MELTF: variants seen among roughly 807,000 people sequenced by gnomAD.
MELTF encodes the protein antigen p97 (melanoma associated) identified by monoclonal antibodies 133.2 and 96.5.
Under a neutral mutation model 83.7 loss-of-function variants are expected in MELTF, and 67 were observed. That is an observed-to-expected ratio of 0.80 (90% CI 0.66 to 0.98). The LOEUF (loss-of-function observed/expected upper bound fraction) is 0.98, where lower values mean the gene tolerates loss of function less well. Among genes scored for constraint, MELTF ranks in the 50% least tolerant of loss-of-function variants. MELTF has a pLI of 0.00. For missense variants in MELTF, 1,002 were observed against 1,035.6 expected, an observed-to-expected ratio of 0.97 and a Z score of 0.44; for synonymous variants, 462 against 447.6, an observed-to-expected ratio of 1.03 and a Z score of -0.41.
In MELTF at chr3:197,014,383, G is replaced by GTTTTTTTT. The variant is rs71623319; in HGVS notation, c.1233+974_1233+981dup. Among the ~76,000 whole-genome samples the GTTTTTTTT allele has an allele frequency of 2.2e-3, 224 of 101,046 alleles. 13 individuals are homozygous for GTTTTTTTT. The highest frequency in any genetic ancestry group is 8.6e-3 in the African/African-American group (208 of 24,116). The allele number at this position is 101,046 out of a possible 152,430, so 66.3% of individuals were successfully genotyped here. ...GTAGGGGAAGGGAGGAATAGGGAGA[G>GTTTTTTTT]TTTTTTTTTTTTTTTTTTTTTTTGA... On this transcript the variant is annotated intron_variant, in intron 9 of 15. Coordinates refer to ENST00000296350, the MANE Select transcript of MELTF (RefSeq NM_005929.6).
chr3:197,016,790 A>C (rs1333200384), intron 7 of MELTF, among the ~76,000 whole-genome samples: 1 of 149,096 alleles, frequency 6.7e-6, no homozygotes. Context: ...GTGCTTTGAA[A>C]GGCGCTGGTT....
intron 6 of MELTF, chr3:197,019,648 C>T (rs957495053): frequency 6.2e-7 from 1 of 1,612,394 alleles, no homozygotes; most frequent in Non-Finnish European, 8.5e-7. Context: ...TCCAAATTCT[C>T]CTTTGTCAGA....
At chr3:197,027,689 G>T in intron 2 of MELTF, 67 bp downstream of exon 2, 1 of 1,525,832 alleles carries the variant, frequency 6.6e-7, no homozygotes, top group East Asian at 2.4e-5. Flanking sequence ...TGGTGAATGG[G>T]GCTGTTGTGT....
Position 197,024,728 on chromosome 3 carries a change from T to A in MELTF, c.305-243A>T, listed in dbSNP as rs999681755. Among the ~76,000 whole-genome samples, 1 of 152,242 alleles carries A rather than the reference T, an allele frequency of 6.6e-6. No homozygotes were observed. The highest frequency in any genetic ancestry group is 1.5e-5 in the Non-Finnish European group (1 of 68,038). ...CTGAGATATTGATGTATTCATTGAT[T>A]TCCCCCTCTTCCTTCCCCAGCAGCT... On this transcript the variant is annotated intron_variant, in intron 3 of 15. Transcript: ENST00000296350. This position sits in a 1 kb window ranked among gnomAD's most constrained non-coding sequence, Gnocchi z 5.3.
At position 197,015,518 on chromosome 3, in the gene MELTF, TG is replaced by T; in HGVS notation, c.1082-3del. The T allele has an allele frequency of 6.2e-7, 1 of 1,608,344 alleles. No individual in the cohort carries two copies. Among genetic ancestry groups the T allele is most frequent in the Non-Finnish European group, 8.5e-7 (1 of 1,176,896 alleles). ...ACCAGCGCAGGTAGGGGGGCAGCCCTGGGGTGGGGCAAGCAAGCGGTCACTG... is the reference window on the plus strand; with the variant it reads ...ACCAGCGCAGGTAGGGGGGCAGCCCTGGGTGGGGCAAGCAAGCGGTCACTG... On this transcript the variant is annotated splice_region_variant and splice_polypyrimidine_tract_variant and intron_variant, in intron 8 of 15. Transcript: ENST00000296350.
intron 4 of MELTF, among the ~76,000 whole-genome samples, chr3:197,023,660 G>A (rs1230190289): frequency 6.6e-6 from 1 of 152,096 alleles, no homozygotes; most frequent in Non-Finnish European, 1.5e-5. Flanking sequence ...GCTGGCACCT[G>A]AGCCAGTCGG....
At chr3:197,023,343 G>A (rs912982846) in intron 4 of MELTF, among the ~76,000 whole-genome samples, 13 of 152,208 alleles carry the variant, frequency 8.5e-5, no homozygotes, top group African/African-American at 2.7e-4. Context: ...AAAATGGTTC[G>A]GGGGAACTAA....
Position 197,016,320 on chromosome 3 carries a change from G to A in MELTF, c.950C>T (p.Ala317Val). Reference sequence around the variant, plus strand: ...GAAGAGTAGATCCTTCTGGCCATAGGCCTCAGAGCTGAACATCTGGAAGCT... The same window carrying A: ...GAAGAGTAGATCCTTCTGGCCATAGACCTCAGAGCTGAACATCTGGAAGCT... Reference protein sequence around the residue: ...GSSFQMFSSEAYGQKDLLFKD... With the variant: ...GSSFQMFSSEVYGQKDLLFKD... Residue 317 changes from alanine to valine, a missense_variant, in exon 8 of 16, where the codon GCC (alanine) becomes GTC (valine). Ala to Val is a moderately conservative substitution (Grantham distance 64, BLOSUM62 0). Transcript: ENST00000296350. The A allele has an allele frequency of 6.2e-7, 1 of 1,609,994 alleles. No homozygotes were observed. Among genetic ancestry groups the A allele is most frequent in the Non-Finnish European group, 8.5e-7 (1 of 1,178,064 alleles).
Position 197,016,191 on chromosome 3 carries a change from T to C in MELTF, c.1079A>G (p.Asn360Ser), listed in dbSNP as rs1188208816. The change falls in exon 8 of 16, where the codon AAC (asparagine) becomes AGC (serine). Residue 360 changes from asparagine to serine, a missense_variant and splice_region_variant. Physicochemically the swap from Asn to Ser is conservative, Grantham distance 46. Transcript: ENST00000296350. Reference protein sequence around the residue: ...HAMKGLLCDPNRLPPYLRWCV... With the variant: ...HAMKGLLCDPSRLPPYLRWCV... ...GCAGTGGGGACAGGTGGACTTACGG[T>C]TGGGGTCACAGAGCAGACCCTTCAT... The C allele has an allele frequency of 6.5e-7, 1 of 1,531,590 alleles. No homozygotes were observed. Among genetic ancestry groups the C allele is most frequent in the Non-Finnish European group, 8.8e-7 (1 of 1,136,376 alleles). The allele number at this position is 1,531,590 out of a possible 1,614,324, so 94.9% of individuals were successfully genotyped here.
intron 3 of MELTF, 157 bp downstream of exon 3, chr3:197,026,503 G>A (rs1242710002): frequency 4.7e-6 from 3 of 637,980 alleles, no homozygotes; most frequent in Non-Finnish European, 8.3e-6. Context: ...TGTCCCTGGG[G>A]AATTTGAGAG....
chr3:197,019,574 A>T lies in MELTF; in HGVS notation c.712+1830T>A, dbSNP rs1358267562. 3 of 1,581,014 alleles carry T rather than the reference A, an allele frequency of 1.9e-6. No individual in the cohort carries two copies. In the African/African-American group the frequency reaches 4.0e-5, roughly 21 times the overall value. ...GCAACATGGTGAGACCCCCATCTCA[A>T]AAAAAACCCCAAGTTTGAAAGAGCT... On this transcript the variant is annotated intron_variant, in intron 6 of 15. Coordinates refer to ENST00000296350, the MANE Select transcript of MELTF (RefSeq NM_005929.6).
At chr3:197,004,282 G>A (rs1410008694) in intron 14 of MELTF, 183 bp from the exon 15 acceptor site, 7 of 646,116 alleles carry the variant, frequency 1.1e-5, no homozygotes. Context: ...ACCCAAGCGG[G>A]TGTGGGGACA....
chr3:197,026,329 C>T lies in MELTF; in HGVS notation c.304+331G>A, dbSNP rs536564485. 9 of 248,846 alleles carry T rather than the reference C, an allele frequency of 3.6e-5. No homozygotes were observed. The East Asian group carries it at 5.7e-4, about 16-fold the overall frequency. 15.4% of individuals were successfully genotyped at this position (248,846 alleles called of 1,614,324 possible). ...AGTGCAGGTGGCTCGGCATTAAGGA[C>T]GCCTTGCTCACCCAAGGCAGTTACG... On this transcript the variant is annotated intron_variant, in intron 3 of 15. Coordinates refer to ENST00000296350, the MANE Select transcript of MELTF (RefSeq NM_005929.6).
At position 197,010,731 on chromosome 3, in the gene MELTF, C is replaced by T. The variant is rs147590453; in HGVS notation, c.1297G>A (p.Gly433Ser). 145 of 1,613,650 alleles carry T rather than the reference C, an allele frequency of 9.0e-5. No individual in the cohort carries two copies. In the African/African-American group the frequency reaches 1.3e-3, roughly 15 times the overall value. ...EDIYTAGKTY[G>S]LVPAAGEHYA... is the part of the protein sequence containing the mutation. Reference sequence around the variant, plus strand: ...TGCTCCCCGGCTGCGGGAACCAGGCCGTACGTCTTCCCCGCCGTGTAAATG... The same window carrying T: ...TGCTCCCCGGCTGCGGGAACCAGGCTGTACGTCTTCCCCGCCGTGTAAATG... Residue 433 changes from glycine to serine, a missense_variant, in exon 10 of 16, where the codon GGC (glycine) becomes AGC (serine). By Grantham distance (56) the Gly-to-Ser change is moderately conservative (BLOSUM62 0). Coordinates refer to ENST00000296350, the MANE Select transcript of MELTF (RefSeq NM_005929.6).
chr3:197,027,708 C>G, intron 2 of MELTF, 48 bp downstream of exon 2: 1 of 1,572,384 alleles, frequency 6.4e-7, no homozygotes, highest in Non-Finnish European at 8.7e-7. Flanking sequence ...GTGCTCCCTC[C>G]TGAGTCACAG....
At position 197,002,930 on chromosome 3, in the gene MELTF, T is replaced by A. The variant is rs1718798257; in HGVS notation, c.*442A>T. 6.6e-6 allele frequency: 1 copy of A among 151,560 alleles called. No individual in the cohort carries two copies. Among genetic ancestry groups the A allele is most frequent in the Non-Finnish European group, 1.5e-5 (1 of 67,846 alleles). The allele number at this position is 151,560 out of a possible 1,614,324, so 9.4% of individuals were successfully genotyped here. ...CGCTGTCCCACGCGCCGGGTCCCGTTGGCGCCGGGGCCTCCTGGGACGGCC... is the reference window on the plus strand; with the variant it reads ...CGCTGTCCCACGCGCCGGGTCCCGTAGGCGCCGGGGCCTCCTGGGACGGCC... On this transcript the variant is annotated 3_prime_UTR_variant, in exon 16 of 16. Transcript: ENST00000296350.
chr3:197,016,291 C>G lies in MELTF; in HGVS notation c.979G>C (p.Asp327His), dbSNP rs1384267477. The stretch of plus-strand genomic sequence containing the variant: ...ATGGGCACAAGCTCCGAGGTAGAGT[C>G]TTTGAAGAGTAGATCCTTCTGGCCA... The part of the protein sequence containing the change: ...AYGQKDLLFK[D>H]STSELVPIAT... The change falls in exon 8 of 16, where the codon GAC (aspartate) becomes CAC (histidine). Residue 327 changes from aspartate to histidine, a missense_variant. Coordinates refer to ENST00000296350, the MANE Select transcript of MELTF (RefSeq NM_005929.6). 6.2e-7 allele frequency: 1 copy of G among 1,613,246 alleles called. No homozygotes were observed. Among genetic ancestry groups the G allele is most frequent in the South Asian group, 1.1e-5 (1 of 90,954 alleles).
chr3:197,021,217 C>T, intron 6 of MELTF, 187 bp downstream of exon 6: 1 of 588,142 alleles, frequency 1.7e-6, no homozygotes, highest in Non-Finnish European at 3.0e-6. Flanking sequence ...GTGACACCTG[C>T]CTCTGCTCTT....
Position 197,026,693 on chromosome 3 carries a change from G to A in MELTF, c.271C>T (p.Leu91=). 6.2e-7 allele frequency: 1 copy of A among 1,613,520 alleles called. No individual in the cohort carries two copies. Among genetic ancestry groups the A allele is most frequent in the Non-Finnish European group, 8.5e-7 (1 of 1,180,016 alleles). Reference sequence around the variant, plus strand: ...TACACTTCGCCCACCACCGGCTTCAGGCCGTGCTCCTTTCCCGCCTCATAG... The same window carrying A: ...TACACTTCGCCCACCACCGGCTTCAAGCCGTGCTCCTTTCCCGCCTCATAG... The part of the protein sequence containing the change: ...AIYEAGKEHG[L]KPVVGEVYDQ... Residue 91 remains leucine, a synonymous_variant, in exon 3 of 16, where the codon CTG becomes TTG. Transcript: ENST00000296350.
Sources: allele counts gnomAD v4.1 joint callset (sites outside exome capture counted in the v4.1 genomes callset), GRCh38; gene constraint gnomAD v4.1.1; non-coding constraint Gnocchi (gnomAD v3.1); transcripts MANE v1.5; gene names NCBI Gene and HGNC (gene_info 2026-07-23, HGNC 2026-07-21).